Variants in PCDHGA5 observed in about 807,000 individuals in gnomAD.
PCDHGA5 encodes protocadherin gamma-A5.
In PCDHGA5, 36 loss-of-function variants were observed where a neutral mutation model predicts 56.7. The observed-to-expected ratio is 0.64, with a 90% CI of 0.49 to 0.84. The LOEUF is 0.84. Among genes scored for constraint, PCDHGA5 ranks in the 40% least tolerant of loss-of-function variants. PCDHGA5 has a pLI of 0.00. For synonymous variants in PCDHGA5, 563 were observed against 520.2 expected, an observed-to-expected ratio of 1.08 and a Z score of -1.12; for missense variants, 1,305 against 1,201.5, an observed-to-expected ratio of 1.09 and a Z score of -1.27.
chr5:141,425,119 T>G (rs1234720658), intron 1 of PCDHGA5, among the ~76,000 whole-genome samples: 1 of 152,220 alleles, frequency 6.6e-6, no homozygotes, highest in Non-Finnish European at 1.5e-5. Context: ...ACATTTTTCT[T>G]GAAGTCAAGA....
intron 1 of PCDHGA5, chr5:141,422,178 G>A (rs1561799748): frequency 1.9e-6 from 3 of 1,563,306 alleles, no homozygotes; most frequent in Non-Finnish European, 1.7e-6. Flanking sequence ...GATTCTATGA[G>A]ATGGAAATTC....
In PCDHGA5 at chr5:141,485,222, C is replaced by A; in HGVS notation, c.2422-9585C>A. The A allele has an allele frequency of 6.2e-7, 1 of 1,614,196 alleles. No homozygotes were observed. The highest frequency in any genetic ancestry group is 8.5e-7 in the Non-Finnish European group (1 of 1,180,020). On this transcript the variant is annotated intron_variant, in intron 1 of 3. Transcript: ENST00000518069. This position sits in a 1 kb window ranked among gnomAD's most constrained non-coding sequence, Gnocchi z 5.7. ...GACAGAAATCTGGCGGTGGGCTACC[C>A]TTTTGTTCCTCTTTTACCACCTGGG...
At chr5:141,508,756 C>A (rs890362975) in intron 3 of PCDHGA5, among the ~76,000 whole-genome samples, 2 of 151,904 alleles carry the variant, frequency 1.3e-5, no homozygotes, top group African/African-American at 4.8e-5. Flanking sequence ...CTTTCTCTGG[C>A]GCCTCTGAGG....
intron 1 of PCDHGA5, chr5:141,419,843 C>T: frequency 6.2e-7 from 1 of 1,614,070 alleles, no homozygotes; most frequent in Non-Finnish European, 8.5e-7. Flanking sequence ...CACGCTGCAC[C>T]TGGTGTTCGC....
At chr5:141,483,100 G>A (rs1051736065) in intron 1 of PCDHGA5, among the ~76,000 whole-genome samples, 11 of 152,078 alleles carry the variant, frequency 7.2e-5, no homozygotes, top group South Asian at 2.1e-4. Flanking sequence ...AAAAGTGTGC[G>A]TGTAAAACAG....
chr5:141,386,894 A>G (rs1266264149), intron 1 of PCDHGA5, among the ~76,000 whole-genome samples: 1 of 152,228 alleles, frequency 6.6e-6, no homozygotes, highest in Non-Finnish European at 1.5e-5. Context: ...TGTTTCCTTC[A>G]ATTCAGAGGT....
intron 1 of PCDHGA5, chr5:141,409,940 C>T (rs1368587420): frequency 1.2e-5 from 19 of 1,613,118 alleles, no homozygotes; most frequent in Non-Finnish European, 1.6e-5. Context: ...TATGGTACCT[C>T]GCTCTGCAGA....
In PCDHGA5 at chr5:141,490,498, T is replaced by C. The variant is rs544031284; in HGVS notation, c.2422-4309T>C. On this transcript the variant is annotated intron_variant, in intron 1 of 3. Coordinates refer to ENST00000518069, the MANE Select transcript of PCDHGA5 (RefSeq NM_018918.3). This position sits in a 1 kb window ranked among gnomAD's most constrained non-coding sequence, Gnocchi z 5.4. ...TTTGGACCGGGAGGCCACATCCCAC[T>C]ATATCATCGAGCTGCTGGCCAGCGA... 1.2e-6 allele frequency: 2 copies of C among 1,614,132 alleles called. No individual in the cohort carries two copies. Among genetic ancestry groups the C allele is most frequent in the African/African-American group, 1.3e-5 (1 of 75,038 alleles).
At chr5:141,414,623 C>T (rs998923536) in intron 1 of PCDHGA5, 2 of 1,613,820 alleles carry the variant, frequency 1.2e-6, no homozygotes, top group African/African-American at 1.3e-5. Flanking sequence ...GCGCTGGACC[C>T]GGACAGCAAA....
At chr5:141,367,381 C>T (rs1164352847) in intron 1 of PCDHGA5, 1 of 151,950 alleles carries the variant, frequency 6.6e-6, no homozygotes, top group Non-Finnish European at 1.5e-5. Flanking sequence ...ACTAAAAATA[C>T]AAAAAATTAG....
intron 1 of PCDHGA5, among the ~76,000 whole-genome samples, chr5:141,444,152 ATTTTTTTTTTTTTTTTTT>A (rs747671382): frequency 4.1e-4 from 14 of 33,898 alleles, no homozygotes; most frequent in South Asian, 2.1e-3. Flanking sequence ...TGTGTACTGG[ATTTTTTTTTTTTTTTTTT>A]TTTTTTTTTT....
chr5:141,374,386 G>A (rs933509212), intron 1 of PCDHGA5: 6 of 1,613,940 alleles, frequency 3.7e-6, no homozygotes, highest in Admixed American at 1.7e-5. Context: ...AGAGCCCGCG[G>A]TGTCTGGTGA....
intron 1 of PCDHGA5, chr5:141,492,036 T>A: frequency 1.9e-6 from 1 of 536,866 alleles, no homozygotes; most frequent in Non-Finnish European, 3.2e-6. Flanking sequence ...GAGGAGGCAG[T>A]CACAGATCCA....
chr5:141,386,941 C>A (rs1391826060), intron 1 of PCDHGA5, among the ~76,000 whole-genome samples: 1 of 152,212 alleles, frequency 6.6e-6, no homozygotes, highest in Non-Finnish European at 1.5e-5. Context: ...AGGTAGGAAG[C>A]AGTGCTTCAG....
intron 1 of PCDHGA5, among the ~76,000 whole-genome samples, chr5:141,463,527 G>C (rs12109431): frequency 1.5e-5 from 2 of 131,102 alleles, no homozygotes; most frequent in Non-Finnish European, 3.1e-5. Context: ...CGGCTTACTA[G>C]AAACTCCGGC....
chr5:141,438,659 T>C (rs1290256383), intron 1 of PCDHGA5, among the ~76,000 whole-genome samples: 1 of 141,194 alleles, frequency 7.1e-6, no homozygotes, highest in East Asian at 2.1e-4. Flanking sequence ...CACATATATG[T>C]ATATATATAT....
intron 1 of PCDHGA5, chr5:141,415,390 G>A (rs1191160575): frequency 1.2e-6 from 2 of 1,614,224 alleles, no homozygotes; most frequent in South Asian, 2.2e-5. Flanking sequence ...CTTGACAGGT[G>A]TGTCCGGCTC....
At chr5:141,478,670 C>T (rs1413742587) in intron 1 of PCDHGA5, 28 of 1,551,664 alleles carry the variant, frequency 1.8e-5, no homozygotes, top group Non-Finnish European at 2.4e-5. Flanking sequence ...TTCACACTTT[C>T]AACTGGCCCT....
At chr5:141,417,304 AG>A (rs1315238937) in intron 1 of PCDHGA5, 1 of 152,318 alleles carries the variant, frequency 6.6e-6, no homozygotes, top group East Asian at 1.9e-4. Context: ...CTCTGGATGG[AG>A]GAATTGGATA....
Sources: allele counts gnomAD v4.1 joint callset (sites outside exome capture counted in the v4.1 genomes callset), GRCh38; gene constraint gnomAD v4.1.1; non-coding constraint Gnocchi (gnomAD v3.1); transcripts MANE v1.5; gene names NCBI Gene and HGNC (gene_info 2026-07-23, HGNC 2026-07-21).